CSMD2: variants seen among roughly 807,000 people sequenced by gnomAD.
CSMD2 encodes the protein CUB and Sushi multiple domains 2.
Under a neutral mutation model 398.5 loss-of-function variants are expected in CSMD2, and 130 were observed. That is an observed-to-expected ratio of 0.33 (90% CI 0.28 to 0.38). The LOEUF is 0.38. CSMD2 is among the 10% of genes least tolerant of loss of function. CSMD2 has a pLI of 1.00. For synonymous variants in CSMD2, 1,828 were observed against 1,908.5 expected (o/e 0.96, Z 1.10); for missense variants, 3,829 against 4,764.9 (o/e 0.80, Z 5.78).
At chr1:34,067,410 T>C (rs1655235662) in intron 2 of CSMD2, among the ~76,000 whole-genome samples, 1 of 152,096 alleles carries the variant, frequency 6.6e-6, no homozygotes, top group Non-Finnish European at 1.5e-5. Context: ...AGGTGGGGGG[T>C]GCATTCTTAC....
chr1:33,632,950 A>G (rs1276207822), intron 32 of CSMD2, among the ~76,000 whole-genome samples: 1 of 152,216 alleles, frequency 6.6e-6, no homozygotes, highest in East Asian at 1.9e-4. Flanking sequence ...CTCGTAGCGA[A>G]TATTTCAATA....
At chr1:33,789,671 T>C (rs79684611) in intron 11 of CSMD2, among the ~76,000 whole-genome samples, 3,443 of 152,322 alleles carry the variant, frequency 0.023, 118 homozygotes, top group African/African-American at 0.078. Context: ...GGGAGGCTGT[T>C]GAGTCAGCTG....
intron 44 of CSMD2, among the ~76,000 whole-genome samples, chr1:33,595,662 C>G (rs1218835346): frequency 6.6e-6 from 1 of 152,178 alleles, no homozygotes; most frequent in African/African-American, 2.4e-5. Flanking sequence ...TCAATGAGAA[C>G]CCCTCCAAGC....
intron 25 of CSMD2, among the ~76,000 whole-genome samples, chr1:33,665,301 T>C (rs922392943): frequency 6.6e-6 from 1 of 152,184 alleles, no homozygotes; most frequent in Non-Finnish European, 1.5e-5. Flanking sequence ...AAGTGATTAA[T>C]TTTATGTAAC....
chr1:33,987,625 G>T (rs1199168945), intron 3 of CSMD2, among the ~76,000 whole-genome samples: 1 of 152,108 alleles, frequency 6.6e-6, no homozygotes, highest in East Asian at 1.9e-4. Context: ...TGGATAAATT[G>T]CAAGGCTTGA....
chr1:33,983,865 G>T (rs1451037991), intron 3 of CSMD2, among the ~76,000 whole-genome samples: 1 of 152,136 alleles, frequency 6.6e-6, no homozygotes. Context: ...ATGAAAAATG[G>T]ACATAGGCCG....
At chr1:33,641,728 C>G (rs1643119391) in intron 29 of CSMD2, among the ~76,000 whole-genome samples, 1 of 152,214 alleles carries the variant, frequency 6.6e-6, no homozygotes, top group African/African-American at 2.4e-5. Context: ...ACCCACCCCT[C>G]TTTGCCTTAG....
At chr1:34,051,329 G>T (rs10914856) in intron 2 of CSMD2, among the ~76,000 whole-genome samples, 1 of 152,038 alleles carries the variant, frequency 6.6e-6, no homozygotes, top group Non-Finnish European at 1.5e-5. Flanking sequence ...GGTAGTGAAA[G>T]AGTTAGTTAT....
chr1:34,067,465 GGC>G (rs1558328147), intron 2 of CSMD2, among the ~76,000 whole-genome samples: 1 of 152,132 alleles, frequency 6.6e-6, no homozygotes, highest in Non-Finnish European at 1.5e-5. Flanking sequence ...ATGGGCCAAC[GGC>G]TTGTACATAA....
intron 41 of CSMD2, among the ~76,000 whole-genome samples, chr1:33,610,376 C>A (rs1043709431): frequency 1.3e-5 from 2 of 152,158 alleles, no homozygotes; most frequent in African/African-American, 4.8e-5. Flanking sequence ...CGAGGTTGGG[C>A]TTACTCAGGA....
At chr1:34,145,704 C>T (rs1272117727) in intron 1 of CSMD2, among the ~76,000 whole-genome samples, 1 of 152,066 alleles carries the variant, frequency 6.6e-6, no homozygotes, top group South Asian at 2.1e-4. Context: ...TAGGTTGTGT[C>T]GAGGAACGGG....
At chr1:33,923,164 T>C (rs1388295260) in intron 4 of CSMD2, among the ~76,000 whole-genome samples, 1 of 152,160 alleles carries the variant, frequency 6.6e-6, no homozygotes, top group Non-Finnish European at 1.5e-5. Context: ...GTAGGTGATA[T>C]AGTTTGAATG....
intron 49 of CSMD2, among the ~76,000 whole-genome samples, chr1:33,576,012 C>A (rs1307665391): frequency 2.0e-5 from 3 of 152,106 alleles, no homozygotes; most frequent in Non-Finnish European, 4.4e-5. Context: ...AACGTTGAGA[C>A]TGTGGGAGAA....
intron 5 of CSMD2, among the ~76,000 whole-genome samples, chr1:33,877,755 T>G (rs2125164019): frequency 6.6e-6 from 1 of 152,188 alleles, no homozygotes; most frequent in South Asian, 2.1e-4. Context: ...CCCTATTACT[T>G]TCTGAGAGAG....
At position 33,906,006 on chromosome 1, in the gene CSMD2, T is replaced by C. The variant is rs1160295584; in HGVS notation, c.920+12088A>G. Among the ~76,000 whole-genome samples, 3 of 152,214 alleles carry C rather than the reference T, an allele frequency of 2.0e-5. No homozygotes were observed. The East Asian group carries it at 5.8e-4, about 29-fold the overall frequency. ...AAAGCCATGCTGGATTCTCCACTCA[T>C]TTTCCCTGTCATGGTATTAAAGAAG... On this transcript the variant is annotated intron_variant, in intron 5 of 70. Transcript: ENST00000373381.
intron 32 of CSMD2, among the ~76,000 whole-genome samples, chr1:33,631,001 A>G (rs1295142100): frequency 6.6e-6 from 1 of 152,166 alleles, no homozygotes; most frequent in Non-Finnish European, 1.5e-5. Context: ...TGTTAGAACA[A>G]GAACAAAATA....
At chr1:33,981,273 G>A (rs1295592829) in intron 3 of CSMD2, among the ~76,000 whole-genome samples, 5 of 152,178 alleles carry the variant, frequency 3.3e-5, no homozygotes, top group African/African-American at 7.2e-5. Context: ...TTATCCTCAG[G>A]AGTGTGCAGT....
intron 22 of CSMD2, among the ~76,000 whole-genome samples, chr1:33,705,127 T>G (rs1329615827): frequency 6.6e-6 from 1 of 152,138 alleles, no homozygotes; most frequent in African/African-American, 2.4e-5. Context: ...AATTATAAAT[T>G]GATAAATTAT....
intron 24 of CSMD2, among the ~76,000 whole-genome samples, chr1:33,697,995 G>A (rs1026723937): frequency 2.6e-5 from 4 of 152,230 alleles, no homozygotes; most frequent in African/African-American, 4.8e-5. Flanking sequence ...GGGGAAGGGG[G>A]TGGAGAGAGA....
Sources: gnomAD v4.1 joint callset for allele counts (sites outside exome capture counted in the v4.1 genomes callset) on GRCh38, gnomAD v4.1.1 for gene constraint, MANE v1.5 for transcripts, NCBI Gene and HGNC (gene_info 2026-07-23, HGNC 2026-07-21) for gene names.